Variants in SHISA9 observed in about 807,000 individuals in gnomAD.
SHISA9 encodes protein shisa-9.
A neutral mutation model predicts 38.0 loss-of-function variants in SHISA9; 13 were observed. That is an observed-to-expected ratio of 0.34 (90% CI 0.22 to 0.54). The LOEUF is 0.54. Among genes scored for constraint, SHISA9 ranks in the 20% least tolerant of loss-of-function variants. The pLI is 0.91. For synonymous variants in SHISA9, 275 were observed against 242.0 expected (o/e 1.14, Z -1.27); for missense variants, 538 against 575.8 (o/e 0.93, Z 0.67).
intron 2 of SHISA9, among the ~76,000 whole-genome samples, chr16:13,122,799 C>T (rs148808024): frequency 1.3e-5 from 2 of 152,316 alleles, no homozygotes; most frequent in East Asian, 3.9e-4. Context: ...GTAATCCTAG[C>T]ACTTTGGGAG....
intron 2 of SHISA9, among the ~76,000 whole-genome samples, chr16:12,943,326 TGTGTGAGAGAGAGAGAGAGAGAGAGA>T (rs2071644593): frequency 5.0e-5 from 1 of 19,976 alleles, no homozygotes; most frequent in Non-Finnish European, 9.3e-5. Flanking sequence ...TGTGTGTGTG[TGTGTGAGAGAGAGAGAGAGAGAGAGA>T]GAGAGAGAGA....
At chr16:13,301,866 C>T in the SHISA9 span, among the ~76,000 whole-genome samples, 25 of 152,124 alleles carry the variant, frequency 1.6e-4, no homozygotes, top group Non-Finnish European at 3.2e-4. Context: ...TTCTCAATGT[C>T]AAACGAGGCT....
chr16:13,487,968 G>A, the SHISA9 span, among the ~76,000 whole-genome samples: 1 of 152,076 alleles, frequency 6.6e-6, no homozygotes, highest in Non-Finnish European at 1.5e-5. Flanking sequence ...TTAAAGCAAG[G>A]GATCTCACTC....
chr16:12,980,126 A>G (rs1206695855), intron 2 of SHISA9, among the ~76,000 whole-genome samples: 2 of 152,056 alleles, frequency 1.3e-5, no homozygotes, highest in Non-Finnish European at 2.9e-5. Flanking sequence ...CCTTTTTATG[A>G]TCTTTTAAAA....
chr16:13,470,735 T>C, the SHISA9 span, among the ~76,000 whole-genome samples: 2 of 152,314 alleles, frequency 1.3e-5, no homozygotes, highest in East Asian at 1.9e-4. Flanking sequence ...CTGAAAATTC[T>C]GTAACAAAGA....
At chr16:13,090,179 A>T (rs1243621435) in intron 2 of SHISA9, among the ~76,000 whole-genome samples, 1 of 152,034 alleles carries the variant, frequency 6.6e-6, no homozygotes, top group African/African-American at 2.4e-5. Flanking sequence ...GTTTTTTGTG[A>T]TTTCTGTTCT....
chr16:13,364,468 A>G, the SHISA9 span, among the ~76,000 whole-genome samples: 2 of 152,384 alleles, frequency 1.3e-5, no homozygotes, highest in African/African-American at 2.4e-5. Context: ...ATGTCTTTCA[A>G]TGAATATGCA....
chr16:13,235,359 C>A lies in SHISA9; in HGVS notation c.1225C>A (p.Pro409Thr), dbSNP rs1008177702. Reference sequence around the variant, plus strand: ...GGGAACTCGCCCCCAGCACTACCCACCCCCACAGCCATACTTCATCACCAA... The same window carrying A: ...GGGAACTCGCCCCCAGCACTACCCAACCCCACAGCCATACTTCATCACCAA... ...PLGTRPQHYPPPQPYFITNSK... is the reference protein window; with the variant it reads ...PLGTRPQHYPTPQPYFITNSK... The change falls in exon 5 of 5, where the codon CCC becomes ACC. Residue 409 changes from proline to threonine, a missense_variant. Physicochemically the swap from Pro to Thr is conservative, Grantham distance 38. Transcript: ENST00000558583. The A allele has an allele frequency of 5.2e-6, 8 of 1,541,686 alleles. No individual in the cohort carries two copies. Among genetic ancestry groups the A allele is most frequent in the Non-Finnish European group, 7.0e-6 (8 of 1,146,990 alleles).
At chr16:13,037,118 A>G (rs1567190848) in intron 2 of SHISA9, among the ~76,000 whole-genome samples, 2 of 137,010 alleles carry the variant, frequency 1.5e-5, no homozygotes, top group East Asian at 4.0e-4. Context: ...AGACACACAC[A>G]CACACACACA....
intron 4 of SHISA9, among the ~76,000 whole-genome samples, chr16:13,231,170 G>A (rs571565639): frequency 2.0e-5 from 3 of 152,124 alleles, no homozygotes; most frequent in Non-Finnish European, 4.4e-5. Context: ...GAGAAGAGGA[G>A]CATGAAGTCA....
the SHISA9 span, among the ~76,000 whole-genome samples, chr16:13,251,455 C>A: frequency 6.6e-6 from 1 of 152,246 alleles, no homozygotes; most frequent in East Asian, 1.9e-4. Context: ...CATGTGCAAA[C>A]CTGGAAGTGT....
chr16:13,248,750 T>G, the SHISA9 span, among the ~76,000 whole-genome samples: 1 of 152,228 alleles, frequency 6.6e-6, no homozygotes, highest in African/African-American at 2.4e-5. Context: ...CATTTTGTTT[T>G]TGTTGGGGTC....
the SHISA9 span, among the ~76,000 whole-genome samples, chr16:13,375,673 CAAAAAACA>C: frequency 3.0e-4 from 45 of 151,382 alleles, no homozygotes; most frequent in African/African-American, 1.1e-3. Flanking sequence ...TAGCAATAGC[CAAAAAACA>C]AAAAAACAAA....
At chr16:13,514,002 AAT>A in the SHISA9 span, among the ~76,000 whole-genome samples, 2 of 124,394 alleles carry the variant, frequency 1.6e-5, no homozygotes, top group Non-Finnish European at 1.8e-5. Context: ...AATAAAATAA[AAT>A]ATTTTTTTTT....
chr16:13,328,030 T>G, the SHISA9 span, among the ~76,000 whole-genome samples: 3 of 152,172 alleles, frequency 2.0e-5, no homozygotes, highest in Admixed American at 1.3e-4. Flanking sequence ...GCGCATTTAT[T>G]AGCTTTGCGC....
intron 2 of SHISA9, among the ~76,000 whole-genome samples, chr16:13,155,606 C>T (rs1367184295): frequency 7.1e-6 from 1 of 140,928 alleles, no homozygotes; most frequent in Non-Finnish European, 1.6e-5. Flanking sequence ...GTGTGTGTGT[C>T]TGTGTGCATA....
At chr16:13,154,098 G>A (rs1391629912) in intron 2 of SHISA9, among the ~76,000 whole-genome samples, 2 of 152,136 alleles carry the variant, frequency 1.3e-5, no homozygotes, top group African/African-American at 4.8e-5. Context: ...CGTTTATTAA[G>A]CACCTATCAT....
the SHISA9 span, among the ~76,000 whole-genome samples, chr16:13,540,456 C>T: frequency 2.0e-5 from 3 of 152,164 alleles, no homozygotes; most frequent in Admixed American, 6.6e-5. Context: ...GGGATAGCTC[C>T]GAGGTTTAGG....
chr16:13,270,990 G>A, the SHISA9 span, among the ~76,000 whole-genome samples: 2 of 152,194 alleles, frequency 1.3e-5, no homozygotes, highest in African/African-American at 4.8e-5. Context: ...AGTAGATCAA[G>A]TGGTACCATT....
Sources: gnomAD v4.1 joint callset for allele counts (sites outside exome capture counted in the v4.1 genomes callset) on GRCh38, gnomAD v4.1.1 for gene constraint, MANE v1.5 for transcripts, NCBI Gene and HGNC (gene_info 2026-07-23, HGNC 2026-07-21) for gene names.